ZC3H12B: variants seen among roughly 807,000 people sequenced by gnomAD.
ZC3H12B encodes the protein zinc finger CCCH-type containing 12B.
Under a neutral mutation model 43.9 loss-of-function variants are expected in ZC3H12B, and 7 were observed. That is an observed-to-expected ratio of 0.16 (90% CI 0.09 to 0.30). The LOEUF is 0.30. ZC3H12B is among the 10% of genes least tolerant of loss of function. The pLI is 1.00. For missense variants in ZC3H12B, 475 were observed against 670.2 expected (o/e 0.71, Z 3.22); for synonymous variants, 222 against 241.7 (o/e 0.92, Z 0.76).
chrX:65,240,304 C>G, the ZC3H12B span, among the ~76,000 whole-genome samples: 1 of 110,868 alleles, frequency 9.0e-6, no homozygotes, highest in Non-Finnish European at 1.9e-5. Flanking sequence ...TTTTGTCTGT[C>G]CGATTTCAGA....
At chrX:65,039,056 GA>G in the ZC3H12B span, among the ~76,000 whole-genome samples, 43 of 105,413 alleles carry the variant, frequency 4.1e-4, no homozygotes, top group African/African-American at 1.2e-3. Context: ...TTCAATGTAG[GA>G]AAAAAAAAAG....
At chrX:65,384,648 C>T (rs1015328797) in intron 2 of ZC3H12B, among the ~76,000 whole-genome samples, 1 of 110,757 alleles carries the variant, frequency 9.0e-6, no homozygotes, top group African/African-American at 3.3e-5. Flanking sequence ...TTGAATGTTA[C>T]TAATTATTCA....
the ZC3H12B span, among the ~76,000 whole-genome samples, chrX:65,173,411 A>AT: frequency 9.0e-6 from 1 of 110,573 alleles, no homozygotes; most frequent in Non-Finnish European, 1.9e-5. Flanking sequence ...AGTATGCTTT[A>AT]TTTTTTTCTC....
At chrX:65,109,212 A>G in the ZC3H12B span, among the ~76,000 whole-genome samples, 3 of 111,733 alleles carry the variant, frequency 2.7e-5, no homozygotes, top group East Asian at 5.6e-4. Flanking sequence ...TATAATTTAT[A>G]CATCATACAA....
At chrX:65,120,634 C>G in the ZC3H12B span, among the ~76,000 whole-genome samples, 3 of 111,079 alleles carry the variant, frequency 2.7e-5, no homozygotes, top group African/African-American at 9.8e-5. Flanking sequence ...ATTGAATACC[C>G]TTTATTTCCT....
chrX:65,135,250 A>G, the ZC3H12B span, among the ~76,000 whole-genome samples: 9 of 111,509 alleles, frequency 8.1e-5, no homozygotes, highest in East Asian at 2.8e-4. Flanking sequence ...TTAGAAGCAC[A>G]TCACACAATG....
the ZC3H12B span, among the ~76,000 whole-genome samples, chrX:65,179,121 G>C: frequency 9.0e-6 from 1 of 111,052 alleles, no homozygotes; most frequent in South Asian, 3.8e-4. Flanking sequence ...CATCGATGAA[G>C]CTGGAAACCA....
chrX:65,249,286 C>T, the ZC3H12B span, among the ~76,000 whole-genome samples: 175 of 112,057 alleles, frequency 1.6e-3, 2 homozygotes, highest in African/African-American at 5.5e-3. Context: ...TTTTATTCTA[C>T]ATGCGGCTAG....
the ZC3H12B span, among the ~76,000 whole-genome samples, chrX:65,167,527 C>T: frequency 9.0e-6 from 1 of 111,501 alleles, no homozygotes; most frequent in Admixed American, 9.6e-5. Flanking sequence ...GGTATGTGGG[C>T]TCTTCTTTGG....
the ZC3H12B span, among the ~76,000 whole-genome samples, chrX:65,054,949 C>A: frequency 0.083 from 9,191 of 110,899 alleles, 1,015 homozygotes; most frequent in African/African-American, 0.29. Flanking sequence ...TATCCTGAGA[C>A]TGCTGAAGTT....
At chrX:65,425,851 G>A (rs994858534) in intron 3 of ZC3H12B, among the ~76,000 whole-genome samples, 1 of 111,521 alleles carries the variant, frequency 9.0e-6, no homozygotes, top group Non-Finnish European at 1.9e-5. Flanking sequence ...TATGCTACTG[G>A]ATTTGCTTTG....
intron 3 of ZC3H12B, among the ~76,000 whole-genome samples, chrX:65,423,123 G>A (rs1171777535): frequency 1.8e-5 from 2 of 108,844 alleles, no homozygotes; most frequent in Non-Finnish European, 3.8e-5. Context: ...AGTAGAGATG[G>A]GGTTTCACCT....
intron 2 of ZC3H12B, among the ~76,000 whole-genome samples, chrX:65,394,591 T>C (rs896306657): frequency 1.8e-5 from 2 of 112,006 alleles, no homozygotes; most frequent in Admixed American, 9.5e-5. Context: ...ATCATGCTGT[T>C]TTGGTTACTG....
upstream of ZC3H12B, among the ~76,000 whole-genome samples, chrX:65,365,565 G>A (rs761480527): frequency 1.3e-4 from 14 of 110,062 alleles, no homozygotes; most frequent in Non-Finnish European, 2.3e-4. Flanking sequence ...GAAAAATATC[G>A]CCCATTATCT....
At chrX:65,108,614 G>C in the ZC3H12B span, among the ~76,000 whole-genome samples, 2 of 79,968 alleles carry the variant, frequency 2.5e-5, no homozygotes, top group Non-Finnish European at 4.8e-5. Context: ...TGGAGGACTT[G>C]CCTGAGGCTG....
chrX:65,216,413 G>A, the ZC3H12B span, among the ~76,000 whole-genome samples: 1 of 111,208 alleles, frequency 9.0e-6, no homozygotes, highest in Non-Finnish European at 1.9e-5. Context: ...TGTCCATGGA[G>A]GGAGCATTTA....
the ZC3H12B span, among the ~76,000 whole-genome samples, chrX:65,279,850 A>G: frequency 8.9e-6 from 1 of 112,238 alleles, no homozygotes; most frequent in Non-Finnish European, 1.9e-5. Context: ...TCCAGCATCT[A>G]TAAGGAACTT....
chrX:65,394,138 C>A (rs2066663899), intron 2 of ZC3H12B, among the ~76,000 whole-genome samples: 1 of 111,894 alleles, frequency 8.9e-6, no homozygotes, highest in African/African-American at 3.3e-5. Context: ...AAATTTTCTC[C>A]CATTCTGTAG....
intron 2 of ZC3H12B, among the ~76,000 whole-genome samples, chrX:65,370,919 G>A (rs1295470423): frequency 9.0e-6 from 1 of 111,597 alleles, no homozygotes; most frequent in Non-Finnish European, 1.9e-5. Context: ...GAAGAAAGGG[G>A]ACCAGAGTTC....
Sources: allele counts gnomAD v4.1 joint callset (sites outside exome capture counted in the v4.1 genomes callset), GRCh38; gene constraint gnomAD v4.1.1; transcripts MANE v1.5; gene names NCBI Gene and HGNC (gene_info 2026-07-23, HGNC 2026-07-21).